Variants in RPRD1A observed in about 807,000 individuals in gnomAD.
RPRD1A encodes the protein regulation of nuclear pre-mRNA domain containing 1A.
RPRD1A carries 9 observed loss-of-function variants against 37.8 expected under a neutral mutation model. The ratio of observed to expected loss-of-function variants is 0.24; its 90% CI spans 0.14 to 0.42. The LOEUF (loss-of-function observed/expected upper bound fraction) is 0.42, where lower values mean the gene tolerates loss of function less well. Ranked by LOEUF, RPRD1A falls within the 10% of genes least tolerant of loss-of-function variation. The pLI, the probability that RPRD1A is intolerant of heterozygous loss-of-function variation, is 1.00. For missense variants in RPRD1A, 255 were observed against 371.0 expected (o/e 0.69, Z 2.57); for synonymous variants, 138 against 139.7 (o/e 0.99, Z 0.08).
chr18:36,023,116 A>C (rs1415855686), intron 6 of RPRD1A, among the ~76,000 whole-genome samples: 1 of 152,270 alleles, frequency 6.6e-6, no homozygotes, highest in Non-Finnish European at 1.5e-5. Context: ...CTCACTATTT[A>C]AGAAATACAT....
intron 1 of RPRD1A, chr18:36,040,880 T>G (rs1307579929): frequency 2.7e-6 from 4 of 1,473,958 alleles, no homozygotes; most frequent in Non-Finnish European, 3.6e-6. Flanking sequence ...AAGGAAGCAA[T>G]TAACAAGAAA....
At chr18:36,054,648 A>G (rs772735292) in intron 1 of RPRD1A, among the ~76,000 whole-genome samples, 6 of 152,136 alleles carry the variant, frequency 3.9e-5, no homozygotes, top group Non-Finnish European at 8.8e-5. Context: ...GGCCATGGGA[A>G]ATCTGGAGGC....
At chr18:36,063,833 C>A (rs2088962880) in intron 1 of RPRD1A, among the ~76,000 whole-genome samples, 1 of 152,302 alleles carries the variant, frequency 6.6e-6, no homozygotes, top group African/African-American at 2.4e-5. Flanking sequence ...GGCAGAGTAG[C>A]CCAGGCTAAT....
At chr18:36,053,637 G>GT (rs1177449654) in intron 1 of RPRD1A, among the ~76,000 whole-genome samples, 1 of 152,134 alleles carries the variant, frequency 6.6e-6, no homozygotes, top group Non-Finnish European at 1.5e-5. Context: ...TTCTTATAAA[G>GT]TATTTGTTTG....
chr18:36,054,008 G>A (rs1170804152), intron 1 of RPRD1A, among the ~76,000 whole-genome samples: 2 of 152,058 alleles, frequency 1.3e-5, no homozygotes, highest in Non-Finnish European at 1.5e-5. Context: ...GGGAATGGGG[G>A]AAGATGACAA....
chr18:36,042,256 T>C (rs543400146), intron 1 of RPRD1A, among the ~76,000 whole-genome samples: 5 of 152,336 alleles, frequency 3.3e-5, no homozygotes, highest in Non-Finnish European at 7.3e-5. Context: ...CACTCCATAC[T>C]ATTCCTATGG....
intron 6 of RPRD1A, among the ~76,000 whole-genome samples, chr18:36,006,904 G>A (rs1272254412): frequency 2.0e-5 from 3 of 152,104 alleles, no homozygotes; most frequent in African/African-American, 7.2e-5. Flanking sequence ...ACAGAGAGTC[G>A]AGGAAAAAGA....
chr18:36,034,092 T>C (rs1912013910), intron 1 of RPRD1A, among the ~76,000 whole-genome samples: 1 of 152,128 alleles, frequency 6.6e-6, no homozygotes, highest in South Asian at 2.1e-4. Context: ...TTACAAACTA[T>C]ATGAAATATA....
At chr18:36,000,192 TG>T (rs1024226030) in intron 6 of RPRD1A, among the ~76,000 whole-genome samples, 1 of 152,194 alleles carries the variant, frequency 6.6e-6, no homozygotes, top group African/African-American at 2.4e-5. Context: ...CCTCACCTTC[TG>T]GGAAACAAAT....
At chr18:36,023,423 A>C (rs1598623002) in intron 6 of RPRD1A, among the ~76,000 whole-genome samples, 2 of 152,246 alleles carry the variant, frequency 1.3e-5, no homozygotes, top group East Asian at 3.8e-4. Context: ...CTCCAATCTC[A>C]TAAAACTTGT....
At chr18:36,016,089 A>C (rs999776738) in intron 6 of RPRD1A, among the ~76,000 whole-genome samples, 2 of 152,218 alleles carry the variant, frequency 1.3e-5, no homozygotes, top group Admixed American at 1.3e-4. Flanking sequence ...AAAGAGAAAA[A>C]AACTATGTAA....
intron 1 of RPRD1A, among the ~76,000 whole-genome samples, chr18:36,041,956 G>C (rs1317456896): frequency 1.3e-5 from 2 of 152,338 alleles, no homozygotes; most frequent in Non-Finnish European, 1.5e-5. Context: ...TATTCCTTGG[G>C]AGAGTTCAGG....
At position 36,052,743 on chromosome 18, in the gene RPRD1A, C is replaced by T. The variant is rs569755012; in HGVS notation, c.151+14511G>A. The T allele has an allele frequency of 5.0e-3, 758 of 152,252 alleles. 3 individuals are homozygous for T. Among genetic ancestry groups the T allele is most frequent in the South Asian group, 0.013 (63 of 4,816 alleles). The allele number at this position is 152,252 out of a possible 1,614,324, so 9.4% of individuals were successfully genotyped here. ...CCTCCTGAGTAGCTGGGATTACAGG[C>T]ATGTGCCACCACACCTCGCTAATTT... On this transcript the variant is annotated intron_variant, in intron 1 of 6. Transcript: ENST00000399022.
chr18:36,018,331 T>C (rs1910748259), intron 6 of RPRD1A, among the ~76,000 whole-genome samples: 1 of 151,564 alleles, frequency 6.6e-6, no homozygotes, highest in South Asian at 2.1e-4. Context: ...TGGAGTGCAG[T>C]GGCGCAATCT....
chr18:36,033,935 C>T, intron 1 of RPRD1A, 98 bp from the exon 2 acceptor site: 5 of 956,784 alleles, frequency 5.2e-6, no homozygotes, highest in Non-Finnish European at 6.1e-6. Flanking sequence ...CTAAAATAAC[C>T]CTACTAACCT....
rs1348356259 is a variant in RPRD1A at position 36,033,299 on chromosome 18, C to CCAAAAAAA, written c.281+408_281+409insTTTTTTTG. Among the ~76,000 whole-genome samples the CCAAAAAAA allele has an allele frequency of 8.2e-4, 62 of 75,918 alleles. 4 individuals are homozygous for CCAAAAAAA. Among genetic ancestry groups the CCAAAAAAA allele is most frequent in the African/African-American group, 3.4e-3 (59 of 17,178 alleles). 49.8% of individuals were successfully genotyped at this position (75,918 alleles called of 152,430 possible). ...CCTGGGTGAGAGTGAGACTCTGTCT[C>CCAAAAAAA]AAAAAAAAAAAAAAAAAAAAAAAAA... On this transcript the variant is annotated intron_variant, in intron 2 of 6. Coordinates refer to ENST00000399022, the MANE Select transcript of RPRD1A (RefSeq NM_018170.5).
At chr18:35,995,261 GTTTTTT>G (rs1232555714) in intron 6 of RPRD1A, among the ~76,000 whole-genome samples, 1 of 109,210 alleles carries the variant, frequency 9.2e-6, no homozygotes, top group African/African-American at 3.5e-5. Flanking sequence ...GCTTTTTTTC[GTTTTTT>G]TTTTTTTTTT....
chr18:36,027,865 G>A (rs1911486251), intron 4 of RPRD1A: 2 of 152,210 alleles, frequency 1.3e-5, no homozygotes. Context: ...ATATCTTCAA[G>A]TATCCTATGG....
rs1041249297 is a variant in RPRD1A, at chr18:36,039,799, G to A, written c.152-5962C>T. 5.9e-5 allele frequency among the ~76,000 whole-genome samples: 9 copies of A among 152,126 alleles called. No individual in the cohort carries two copies. In the East Asian group the frequency reaches 1.2e-3, roughly 20 times the overall value. On this transcript the variant is annotated intron_variant, in intron 1 of 6. Transcript: ENST00000399022. Reference sequence around the variant, plus strand: ...CTATAAACATAAGAACCATCATTCCGAGGGAAACCTTCTACATGGAAAGCA... The same window carrying A: ...CTATAAACATAAGAACCATCATTCCAAGGGAAACCTTCTACATGGAAAGCA...
Sources: gnomAD v4.1 joint callset for allele counts (sites outside exome capture counted in the v4.1 genomes callset) on GRCh38, gnomAD v4.1.1 for gene constraint, MANE v1.5 for transcripts, NCBI Gene and HGNC (gene_info 2026-07-23, HGNC 2026-07-21) for gene names.